The following EPC2 variants were observed in gnomAD, a reference collection of about 807,000 sequenced individuals.
The protein encoded by EPC2 is enhancer of polycomb 2, also known as enhancer of polycomb homolog 2.
A neutral mutation model predicts 92.1 loss-of-function variants in EPC2; 14 were observed. The observed-to-expected ratio is 0.15, with a 90% CI of 0.10 to 0.24. EPC2 has a LOEUF of 0.24. Ranked by LOEUF, EPC2 falls within the 10% of genes least tolerant of loss-of-function variation. The pLI is 1.00. For synonymous variants in EPC2, 340 were observed against 334.7 expected, an observed-to-expected ratio of 1.02 and a Z score of -0.17; for missense variants, 755 against 971.5, an observed-to-expected ratio of 0.78 and a Z score of 2.96.
intron 2 of EPC2, among the ~76,000 whole-genome samples, chr2:148,707,574 C>T (rs1434356982): frequency 6.6e-6 from 1 of 152,078 alleles, no homozygotes; most frequent in Non-Finnish European, 1.5e-5. Flanking sequence ...CACACTTATT[C>T]CAAAATTGAC....
At chr2:148,666,987 A>G (rs1254387235) in intron 1 of EPC2, among the ~76,000 whole-genome samples, 1 of 152,152 alleles carries the variant, frequency 6.6e-6, no homozygotes, top group Non-Finnish European at 1.5e-5. Context: ...TAGAGTGCCA[A>G]CTATGTAAAT....
intron 2 of EPC2, among the ~76,000 whole-genome samples, chr2:148,717,159 T>C (rs1300329727): frequency 1.3e-5 from 2 of 151,154 alleles, no homozygotes; most frequent in East Asian, 1.9e-4. Context: ...GTCTGTCTTA[T>C]AAATTTCAAA....
intron 2 of EPC2, among the ~76,000 whole-genome samples, chr2:148,724,986 T>G (rs894929541): frequency 6.6e-6 from 1 of 152,058 alleles, no homozygotes; most frequent in South Asian, 2.1e-4. Context: ...GGGCAGGAAA[T>G]ATTTTTCATC....
At chr2:148,713,024 A>G (rs1288445292) in intron 2 of EPC2, among the ~76,000 whole-genome samples, 1 of 152,216 alleles carries the variant, frequency 6.6e-6, no homozygotes, top group African/African-American at 2.4e-5. Flanking sequence ...CCCTGTCTCA[A>G]TAAATAAATA....
At chr2:148,775,264 A>G (rs896746585) in intron 10 of EPC2, among the ~76,000 whole-genome samples, 2 of 152,172 alleles carry the variant, frequency 1.3e-5, no homozygotes, top group Non-Finnish European at 2.9e-5. Context: ...AAAAGTTGCA[A>G]GGTCTTACAA....
At chr2:148,715,315 G>C (rs1373820630) in intron 2 of EPC2, among the ~76,000 whole-genome samples, 3 of 152,192 alleles carry the variant, frequency 2.0e-5, no homozygotes, top group Non-Finnish European at 4.4e-5. Flanking sequence ...TTACAGGCGA[G>C]AGCCACTGCG....
At chr2:148,738,875 A>G (rs1230867885) in intron 2 of EPC2, among the ~76,000 whole-genome samples, 2 of 152,306 alleles carry the variant, frequency 1.3e-5, no homozygotes, top group African/African-American at 2.4e-5. Flanking sequence ...TGGACATTCT[A>G]TTATTTAACC....
chr2:148,786,412 G>T lies in EPC2; in HGVS notation c.*35G>T. On this transcript the variant is annotated 3_prime_UTR_variant, in exon 14 of 14. Coordinates refer to ENST00000258484, the MANE Select transcript of EPC2 (RefSeq NM_015630.4). ...CGTGGCTCTGACCTGTGCTGATGGT[G>T]TGCAGTCATTCATATTCCAGCTGAA... 1 of 1,544,496 alleles carries T rather than the reference G, an allele frequency of 6.5e-7. No homozygotes were observed. The highest frequency in any genetic ancestry group is 8.9e-7 in the Non-Finnish European group (1 of 1,127,504).
intron 4 of EPC2, among the ~76,000 whole-genome samples, chr2:148,760,812 A>G (rs578018369): frequency 3.9e-5 from 6 of 152,240 alleles, no homozygotes; most frequent in Non-Finnish European, 8.8e-5. Flanking sequence ...CTTTTTCTCA[A>G]TTGTTATTTT....
intron 1 of EPC2, among the ~76,000 whole-genome samples, chr2:148,676,497 T>A (rs529588003): frequency 1.5e-4 from 23 of 152,180 alleles, no homozygotes; most frequent in African/African-American, 5.5e-4. Context: ...TACAGAAGAT[T>A]TAGAAAATAC....
rs149635989 is a variant in EPC2, at chr2:148,761,660, C to T, written c.667-122C>T. On this transcript the variant is annotated intron_variant, in intron 4 of 13. Transcript: ENST00000258484. Reference sequence around the variant, plus strand: ...AGGTTATCTTACATAGGTTGCTGTTCAGATTTTTTTTAACATTTTACTTTT... The same window carrying T: ...AGGTTATCTTACATAGGTTGCTGTTTAGATTTTTTTTAACATTTTACTTTT... The T allele has an allele frequency of 1.0e-3, 621 of 615,520 alleles. 2 individuals carry two copies. In the African/African-American group the frequency reaches 0.01, roughly 10 times the overall value. 38.1% of individuals were successfully genotyped at this position (615,520 alleles called of 1,614,324 possible). A position where few individuals can be genotyped will look rare whatever the true frequency, so the allele number is the denominator to read the frequency against.
At chr2:148,678,911 G>A (rs1681333918) in intron 1 of EPC2, among the ~76,000 whole-genome samples, 1 of 152,266 alleles carries the variant, frequency 6.6e-6, no homozygotes, top group African/African-American at 2.4e-5. Flanking sequence ...CGCCAAGAGC[G>A]AGCGAGGGCT....
chr2:148,776,856 C>CTCTTTTTT (rs1247135854), intron 10 of EPC2, among the ~76,000 whole-genome samples: 2 of 101,042 alleles, frequency 2.0e-5, no homozygotes, highest in South Asian at 4.0e-4. Context: ...GTCTCTCTCT[C>CTCTTTTTT]TTTTTTTTTT....
At chr2:148,739,810 C>CT (rs1682841034) in intron 2 of EPC2, among the ~76,000 whole-genome samples, 2 of 109,618 alleles carry the variant, frequency 1.8e-5, no homozygotes, top group South Asian at 7.7e-4. Flanking sequence ...TCTTTTCTTT[C>CT]TTCCTTTTCT....
At chr2:148,667,163 A>C (rs1176565432) in intron 1 of EPC2, among the ~76,000 whole-genome samples, 3 of 152,358 alleles carry the variant, frequency 2.0e-5, no homozygotes, top group Admixed American at 2.0e-4. Flanking sequence ...CGTTATTAAC[A>C]TTCTGTTGAT....
chr2:148,719,969 A>G lies in EPC2; in HGVS notation c.314-23653A>G, dbSNP rs564124675. 8.7e-4 allele frequency among the ~76,000 whole-genome samples: 132 copies of G among 152,312 alleles called. 1 individual carries two copies. Among genetic ancestry groups the G allele is most frequent in the African/African-American group, 3.0e-3 (125 of 41,578 alleles). On this transcript the variant is annotated intron_variant, in intron 2 of 13. Transcript: ENST00000258484. The stretch of plus-strand genomic sequence containing the variant: ...TCTGGCTGGGAGGACCCGCCCCACA[A>G]GGAGGAGTGGATTGGGGGTCCTGAT...
chr2:148,721,126 C>T (rs116511440), intron 2 of EPC2, among the ~76,000 whole-genome samples: 2,666 of 152,238 alleles, frequency 0.018, 72 homozygotes, highest in African/African-American at 0.06. Context: ...CCCCAGTACT[C>T]TTCCTATGTT....
At chr2:148,748,292 C>A (rs1683024564) in intron 3 of EPC2, among the ~76,000 whole-genome samples, 1 of 152,078 alleles carries the variant, frequency 6.6e-6, no homozygotes, top group Non-Finnish European at 1.5e-5. Context: ...CCTGTACAGC[C>A]CGCAGCACCA....
At chr2:148,676,519 A>G (rs1681264172) in intron 1 of EPC2, among the ~76,000 whole-genome samples, 1 of 152,114 alleles carries the variant, frequency 6.6e-6, no homozygotes. Flanking sequence ...GAGGGCACAC[A>G]GAAAAAAATA....
Sources: gnomAD v4.1 joint callset for allele counts (sites outside exome capture counted in the v4.1 genomes callset) on GRCh38, gnomAD v4.1.1 for gene constraint, MANE v1.5 for transcripts, NCBI Gene and HGNC (gene_info 2026-07-23, HGNC 2026-07-21) for gene names.